The following RBFOX1 variants were observed in gnomAD, a reference collection of about 807,000 sequenced individuals.
RBFOX1 encodes the protein RNA binding protein fox-1 homolog 1.
A neutral mutation model predicts 57.7 loss-of-function variants in RBFOX1; 8 were observed. The observed-to-expected ratio is 0.14, with a 90% confidence interval of 0.08 to 0.25. The LOEUF (loss-of-function observed/expected upper bound fraction) is 0.25, where lower values mean the gene tolerates loss of function less well. Among genes scored for constraint, RBFOX1 ranks in the 10% least tolerant of loss-of-function variants. The probability of loss-of-function intolerance (pLI) is 1.00; values close to 1 mark genes in which losing one functional copy is unlikely to be tolerated. For synonymous variants in RBFOX1, 326 were observed against 222.4 expected (o/e 1.47, Z -4.15); for missense variants, 611 against 548.5 (o/e 1.11, Z -1.14).
chr16:6,277,866 T>C (rs557040451), intron 1 of RBFOX1, among the ~76,000 whole-genome samples: 2 of 152,158 alleles, frequency 1.3e-5, no homozygotes, highest in African/African-American at 4.8e-5. Context: ...TCTGCTGGGA[T>C]TGAGTCATGA....
chr16:5,249,159 G>C (rs190183614), intron 1 of RBFOX1, among the ~76,000 whole-genome samples: 130 of 152,284 alleles, frequency 8.5e-4, no homozygotes, highest in Non-Finnish European at 1.1e-3. Flanking sequence ...AGGTGAGGCT[G>C]CGCTTTGTGT....
At chr16:6,886,777 A>G (rs2064141748) in intron 3 of RBFOX1, among the ~76,000 whole-genome samples, 4 of 145,980 alleles carry the variant, frequency 2.7e-5, no homozygotes, top group Admixed American at 2.0e-4. Context: ...ACAAAACAAA[A>G]CAAAACAAAA....
At chr16:6,735,652 T>A (rs527755980) in intron 3 of RBFOX1, among the ~76,000 whole-genome samples, 6 of 152,210 alleles carry the variant, frequency 3.9e-5, no homozygotes, top group Non-Finnish European at 7.3e-5. Context: ...ACAAAATGTT[T>A]GGGTAACAAT....
intron 3 of RBFOX1, among the ~76,000 whole-genome samples, chr16:6,743,759 A>G (rs1170072238): frequency 6.6e-6 from 1 of 151,366 alleles, no homozygotes; most frequent in African/African-American, 2.4e-5. Context: ...CCTGTCTCAA[A>G]AGGAAAGAAG....
At chr16:7,477,453 C>G (rs141694795) in intron 4 of RBFOX1, among the ~76,000 whole-genome samples, 1 of 152,078 alleles carries the variant, frequency 6.6e-6, no homozygotes, top group South Asian at 2.1e-4. Context: ...GCATTAATTC[C>G]GATATTTCAA....
intron 1 of RBFOX1, chr16:5,270,721 G>C (rs1008712978): frequency 2.0e-6 from 1 of 493,156 alleles, no homozygotes; most frequent in Non-Finnish European, 3.8e-6. Context: ...CTTGAAAGAA[G>C]TGGTCAATAA....
intron 2 of RBFOX1, among the ~76,000 whole-genome samples, chr16:6,320,464 A>T (rs1367778786): frequency 6.6e-6 from 1 of 152,118 alleles, no homozygotes; most frequent in African/African-American, 2.4e-5. Flanking sequence ...GTAACCAAAA[A>T]CCACCTGTAC....
At chr16:6,313,491 T>G (rs1166103578) in intron 1 of RBFOX1, among the ~76,000 whole-genome samples, 1 of 152,162 alleles carries the variant, frequency 6.6e-6, no homozygotes, top group Admixed American at 6.5e-5. Context: ...CAGCCCTGTT[T>G]AGAGAGTCAG....
chr16:6,753,297 A>G (rs2075262064), intron 3 of RBFOX1, among the ~76,000 whole-genome samples: 1 of 152,198 alleles, frequency 6.6e-6, no homozygotes, highest in African/African-American at 2.4e-5. Flanking sequence ...GTTTGCTGTA[A>G]AATTCTTTCA....
intron 3 of RBFOX1, among the ~76,000 whole-genome samples, chr16:6,929,513 C>A (rs1231971803): frequency 6.6e-6 from 1 of 151,964 alleles, no homozygotes; most frequent in African/African-American, 2.4e-5. Flanking sequence ...TTGCAAGCCA[C>A]AATATTTTCA....
intron 7 of RBFOX1, among the ~76,000 whole-genome samples, chr16:7,593,198 C>T (rs2152932643): frequency 6.6e-6 from 1 of 152,244 alleles, no homozygotes; most frequent in African/African-American, 2.4e-5. Flanking sequence ...ACATTTTAAG[C>T]AAACACATTT....
intron 4 of RBFOX1, among the ~76,000 whole-genome samples, chr16:7,451,632 TTTTG>T (rs2098859795): frequency 6.6e-6 from 1 of 152,110 alleles, no homozygotes; most frequent in Non-Finnish European, 1.5e-5. Context: ...TATGCTAACA[TTTTG>T]AAATTAAACC....
chr16:5,374,639 A>G (rs994222405), intron 1 of RBFOX1, among the ~76,000 whole-genome samples: 3 of 151,186 alleles, frequency 2.0e-5, no homozygotes, highest in African/African-American at 7.3e-5. Context: ...TTAGAGAGAG[A>G]GGGGAGTCTT....
At chr16:6,713,379 C>T (rs997629213) in intron 3 of RBFOX1, among the ~76,000 whole-genome samples, 1 of 152,108 alleles carries the variant, frequency 6.6e-6, no homozygotes, top group Admixed American at 6.5e-5. Context: ...CCATCTCTCA[C>T]CAAATTCTGT....
intron 4 of RBFOX1, among the ~76,000 whole-genome samples, chr16:7,188,672 G>C (rs1159194005): frequency 6.6e-6 from 1 of 152,084 alleles, no homozygotes; most frequent in Non-Finnish European, 1.5e-5. Flanking sequence ...AGTTGAACAT[G>C]TCCTGCAGCA....
intron 1 of RBFOX1, among the ~76,000 whole-genome samples, chr16:6,079,420 T>A (rs1245964819): frequency 6.6e-6 from 1 of 152,228 alleles, no homozygotes; most frequent in African/African-American, 2.4e-5. Context: ...CAAGTGATCT[T>A]CCTACTTCAG....
intron 2 of RBFOX1, among the ~76,000 whole-genome samples, chr16:6,432,006 G>C (rs2094114389): frequency 6.7e-6 from 1 of 149,530 alleles, no homozygotes; most frequent in Admixed American, 6.7e-5. Context: ...CTATCACCAA[G>C]GCTGTAGTGC....
intron 2 of RBFOX1, among the ~76,000 whole-genome samples, chr16:5,467,787 A>G (rs1412037404): frequency 6.6e-6 from 1 of 152,234 alleles, no homozygotes; most frequent in Non-Finnish European, 1.5e-5. Flanking sequence ...TGGCCCTTGG[A>G]TAGAGGAAGT....
rs143649621 is a variant in RBFOX1, at chr16:6,874,463, A to G, written c.-15-177594A>G. On this transcript the variant is annotated intron_variant, in intron 3 of 15. Coordinates refer to ENST00000550418, the MANE Select transcript of RBFOX1 (RefSeq NM_018723.4). ...AGATGGAGGTTGCAGTTAGTGGAAG[A>G]TCATGCCACTGCACTCCAGGCTGGG... Among the ~76,000 whole-genome samples, 1,102 of 144,056 alleles carry G rather than the reference A, an allele frequency of 7.6e-3. 14 individuals are homozygous for G. The highest frequency in any genetic ancestry group is 9.1e-3 in the Non-Finnish European group (607 of 66,624). The allele number at this position is 144,056 out of a possible 152,430, so 94.5% of individuals were successfully genotyped here. A position where few individuals can be genotyped will look rare whatever the true frequency, so the allele number is the denominator to read the frequency against.
Sources: allele counts gnomAD v4.1 joint callset (sites outside exome capture counted in the v4.1 genomes callset), GRCh38; gene constraint gnomAD v4.1.1; transcripts MANE v1.5; gene names NCBI Gene and HGNC (gene_info 2026-07-23, HGNC 2026-07-21).